Variants in TBL1X observed in about 807,000 individuals in gnomAD.
The protein encoded by TBL1X is F-box-like/WD repeat-containing protein TBL1X.
In TBL1X, 10 loss-of-function variants were observed where a neutral mutation model predicts 50.7. That is an observed-to-expected ratio of 0.20 (90% CI 0.12 to 0.33). The LOEUF is 0.33. Among genes scored for constraint, TBL1X ranks in the 10% least tolerant of loss-of-function variants. The pLI is 1.00. For synonymous variants in TBL1X, 190 were observed against 214.7 expected (o/e 0.88, Z 1.01); for missense variants, 340 against 504.4 (o/e 0.67, Z 3.12).
At chrX:9,600,473 G>GC (rs1338563839) in intron 2 of TBL1X, among the ~76,000 whole-genome samples, 7 of 79,589 alleles carry the variant, frequency 8.8e-5, no homozygotes, top group African/African-American at 3.1e-4. Flanking sequence ...GGTGGGCGGG[G>GC]GGGGGGGTAC....
At chrX:9,622,873 C>T (rs191348271) in intron 2 of TBL1X, among the ~76,000 whole-genome samples, 34 of 111,795 alleles carry the variant, frequency 3.0e-4, no homozygotes, top group African/African-American at 1.0e-3. Flanking sequence ...TCCACTCATC[C>T]GTTCATAGAC....
chrX:9,588,831 G>A (rs753048173), intron 2 of TBL1X, among the ~76,000 whole-genome samples: 3 of 110,760 alleles, frequency 2.7e-5, no homozygotes, highest in Non-Finnish European at 3.8e-5. Flanking sequence ...CCAAACTCCT[G>A]ACTTCAGGTG....
intron 5 of TBL1X, among the ~76,000 whole-genome samples, chrX:9,660,660 G>T (rs377080112): frequency 4.5e-5 from 5 of 112,231 alleles, no homozygotes; most frequent in African/African-American, 1.6e-4. Flanking sequence ...GTTATTCAGA[G>T]TGAGAGTATC....
intron 1 of TBL1X, among the ~76,000 whole-genome samples, chrX:9,479,779 G>A (rs922907899): frequency 9.0e-6 from 1 of 111,631 alleles, no homozygotes; most frequent in African/African-American, 3.3e-5. Flanking sequence ...GGCTAGGCTG[G>A]GAAGAATCAT....
At chrX:9,464,540 T>G (rs2081756996), upstream of TBL1X, among the ~76,000 whole-genome samples, 1 of 108,720 alleles carries the variant, frequency 9.2e-6, no homozygotes, top group Non-Finnish European at 1.9e-5. Flanking sequence ...GGGGTTCTGT[T>G]GGGGCAGCCG....
intron 1 of TBL1X, among the ~76,000 whole-genome samples, chrX:9,496,768 T>G (rs1014937616): frequency 9.0e-6 from 1 of 111,630 alleles, no homozygotes; most frequent in Non-Finnish European, 1.9e-5. Flanking sequence ...GGATCAGACG[T>G]TCCTAGCCCG....
At chrX:9,640,936 TC>T (rs2082772839) in intron 3 of TBL1X, among the ~76,000 whole-genome samples, 1 of 112,191 alleles carries the variant, frequency 8.9e-6, no homozygotes, top group Admixed American at 9.5e-5. Context: ...TGGCCTGCCT[TC>T]TGAGAATTTT....
intron 2 of TBL1X, among the ~76,000 whole-genome samples, chrX:9,588,864 A>G (rs184474514): frequency 7.8e-4 from 87 of 110,882 alleles, no homozygotes; most frequent in African/African-American, 2.8e-3. Flanking sequence ...CGACCTCCCA[A>G]AGTGCTGGGA....
Position 9,556,906 on chromosome X carries a change from G to A in TBL1X, c.-131+55057G>A, listed in dbSNP as rs148113079. ...TCTTTAAAGCCAGCACTGCTTGTTC[G>A]AGTCTTTTTCACATTGCATTTCCCC... On this transcript the variant is annotated intron_variant, in intron 2 of 17. Coordinates refer to ENST00000645353, the MANE Select transcript of TBL1X (RefSeq NM_005647.4). 6.0e-3 allele frequency among the ~76,000 whole-genome samples: 662 copies of A among 109,758 alleles called. 3 individuals carry two copies. Among genetic ancestry groups the A allele is most frequent in the African/African-American group, 0.021 (628 of 30,190 alleles).
At chrX:9,491,663 T>C (rs1351740960) in intron 1 of TBL1X, among the ~76,000 whole-genome samples, 3 of 110,672 alleles carry the variant, frequency 2.7e-5, no homozygotes, top group Non-Finnish European at 3.8e-5. Flanking sequence ...GAGGTATCCG[T>C]GGACCAGCCT....
At chrX:9,639,787 T>C (rs1346132719) in intron 2 of TBL1X, 2 of 111,777 alleles carry the variant, frequency 1.8e-5, no homozygotes, top group African/African-American at 6.5e-5. Flanking sequence ...GGTAGAGTTA[T>C]TGGAAAGCTA....
chrX:9,698,768 G>C (rs974367310), intron 12 of TBL1X, among the ~76,000 whole-genome samples: 1 of 111,949 alleles, frequency 8.9e-6, no homozygotes, highest in Non-Finnish European at 1.9e-5. Flanking sequence ...GCCAAGGGCC[G>C]GCCTTGCAAG....
At chrX:9,709,554 C>G in intron 14 of TBL1X, 79 bp from the exon 15 acceptor site, 1 of 1,176,074 alleles carries the variant, frequency 8.5e-7, no homozygotes, top group South Asian at 2.0e-5. Flanking sequence ...CCCGTGTGCA[C>G]CCCCGGGAGG....
rs1601815347 is a variant in TBL1X at position 9,648,444 on chromosome X, C to T, written c.-42-5101C>T. Among the ~76,000 whole-genome samples the T allele has an allele frequency of 3.6e-5, 4 of 111,684 alleles. No homozygotes were observed. The South Asian group carries it at 1.5e-3, about 42-fold the overall frequency. On this transcript the variant is annotated intron_variant, in intron 3 of 17. Coordinates refer to ENST00000645353, the MANE Select transcript of TBL1X (RefSeq NM_005647.4). ...TGGTGTAGAGGGCAGTCCTCATGCCCTGGGCTGAGGGGTGCATGTGACACA... is the reference window on the plus strand; with the variant it reads ...TGGTGTAGAGGGCAGTCCTCATGCCTTGGGCTGAGGGGTGCATGTGACACA...
At chrX:9,668,720 C>T (rs2082944669) in intron 5 of TBL1X, among the ~76,000 whole-genome samples, 1 of 111,950 alleles carries the variant, frequency 8.9e-6, no homozygotes, top group Non-Finnish European at 1.9e-5. Flanking sequence ...GGCATGCATT[C>T]AAATATAAAC....
upstream of TBL1X, chrX:9,464,968 C>T (rs1311453916): frequency 9.4e-6 from 1 of 106,562 alleles, no homozygotes; most frequent in Non-Finnish European, 1.9e-5. Flanking sequence ...GGGGCGGGGC[C>T]GGGTGGTACG....
At position 9,607,665 on chromosome X, in the gene TBL1X, C is replaced by G. The variant is rs189079403; in HGVS notation, c.-130-32608C>G. On this transcript the variant is annotated intron_variant, in intron 2 of 17. Coordinates refer to ENST00000645353, the MANE Select transcript of TBL1X (RefSeq NM_005647.4). ...CTTTAATTCTTCCCTGGAGAGTTCT[C>G]ACCTTCCCTGCTTTCCAAGTCCAGC... Among the ~76,000 whole-genome samples the G allele has an allele frequency of 3.3e-3, 378 of 113,008 alleles. 1 individual carries two copies. Among genetic ancestry groups the G allele is most frequent in the African/African-American group, 0.012 (362 of 31,146 alleles).
At chrX:9,570,946 G>A (rs2082382762) in intron 2 of TBL1X, among the ~76,000 whole-genome samples, 1 of 111,440 alleles carries the variant, frequency 9.0e-6, no homozygotes, top group African/African-American at 3.3e-5. Context: ...CAAAGTGCTC[G>A]GATTACAGGC....
chrX:9,659,494 G>C (rs1175367752), intron 5 of TBL1X, among the ~76,000 whole-genome samples: 1 of 112,796 alleles, frequency 8.9e-6, no homozygotes, highest in Non-Finnish European at 1.9e-5. Context: ...TCTGCGATTT[G>C]TTTATGCATC....
Sources: gnomAD v4.1 joint callset for allele counts (sites outside exome capture counted in the v4.1 genomes callset) on GRCh38, gnomAD v4.1.1 for gene constraint, MANE v1.5 for transcripts, NCBI Gene and HGNC (gene_info 2026-07-23, HGNC 2026-07-21) for gene names.